The following ARHGEF28 variants were observed in gnomAD, a reference collection of about 807,000 sequenced individuals.
ARHGEF28 encodes Rho guanine nucleotide exchange factor 28, also known as 190 kDa guanine nucleotide exchange factor.
In ARHGEF28, 152 loss-of-function variants were observed where a neutral mutation model predicts 206.6. The observed-to-expected ratio is 0.74, with a 90% confidence interval of 0.64 to 0.84. The LOEUF is 0.84. Among genes scored for constraint, ARHGEF28 ranks in the 40% least tolerant of loss-of-function variants. The probability of loss-of-function intolerance (pLI) is 0.00; values close to 1 mark genes in which losing one functional copy is unlikely to be tolerated. For missense variants in ARHGEF28, 2,028 were observed against 2,073.2 expected (o/e 0.98, Z 0.42); for synonymous variants, 763 against 776.4 (o/e 0.98, Z 0.29).
chr5:73,868,739 C>T (rs1392372867), intron 20 of ARHGEF28, among the ~76,000 whole-genome samples: 4 of 152,068 alleles, frequency 2.6e-5, no homozygotes, highest in Non-Finnish European at 4.4e-5. Flanking sequence ...CTCGAGCTCC[C>T]AGGTTCAAGC....
At chr5:73,932,956 G>C (rs1474049950) in intron 35 of ARHGEF28, among the ~76,000 whole-genome samples, 12 of 151,148 alleles carry the variant, frequency 7.9e-5, no homozygotes, top group Admixed American at 2.6e-4. Flanking sequence ...CTACAGGCGC[G>C]CGCCACCATG....
chr5:73,846,163 ACC>A, intron 11 of ARHGEF28, 103 bp from the exon 12 acceptor site: 3 of 952,886 alleles, frequency 3.1e-6, no homozygotes, highest in South Asian at 1.6e-5. Context: ...TACCTATTGC[ACC>A]CCCCCCGCCC....
intron 2 of ARHGEF28, among the ~76,000 whole-genome samples, chr5:73,699,849 A>G (rs1748487445): frequency 6.6e-6 from 1 of 152,242 alleles, no homozygotes; most frequent in African/African-American, 2.4e-5. Flanking sequence ...ATAAAGTTCC[A>G]TCATTAAGGC....
rs192590685 is a variant in ARHGEF28 at position 73,817,348 on chromosome 5, A to T, written c.1025-14990A>T. On this transcript the variant is annotated intron_variant, in intron 9 of 35. Coordinates refer to ENST00000513042, the MANE Select transcript of ARHGEF28 (RefSeq NM_001177693.2). ...GCTTAGATAGCACCATATTTTCTCT[A>T]ATCATAATGAAAATAACTAATATTT... Among the ~76,000 whole-genome samples, 3 of 152,318 alleles carry T rather than the reference A, an allele frequency of 2.0e-5. No individual in the cohort carries two copies. The East Asian group carries it at 5.8e-4, about 29-fold the overall frequency.
At chr5:73,712,464 T>C (rs1749308268) in intron 2 of ARHGEF28, among the ~76,000 whole-genome samples, 1 of 152,158 alleles carries the variant, frequency 6.6e-6, no homozygotes. Flanking sequence ...CTTGGTAGAG[T>C]GCATGCTTTC....
At chr5:73,749,499 T>C (rs1363273796) in intron 2 of ARHGEF28, among the ~76,000 whole-genome samples, 1 of 152,180 alleles carries the variant, frequency 6.6e-6, no homozygotes, top group Non-Finnish European at 1.5e-5. Flanking sequence ...AGACCCTGTC[T>C]CTAAAAATAA....
intron 31 of ARHGEF28, chr5:73,902,334 G>GGT (rs979459833): frequency 3.9e-5 from 6 of 152,198 alleles, no homozygotes; most frequent in African/African-American, 1.2e-4. Context: ...TGAAGTTTGT[G>GGT]GTGTCCAACT....
intron 2 of ARHGEF28, among the ~76,000 whole-genome samples, chr5:73,740,200 G>A (rs1323848335): frequency 6.7e-6 from 1 of 149,788 alleles, no homozygotes; most frequent in Non-Finnish European, 1.5e-5. Flanking sequence ...AAAAAAGAAG[G>A]AGAAGCGAAA....
At chr5:73,910,923 TTA>T (rs1447928593) in intron 34 of ARHGEF28, among the ~76,000 whole-genome samples, 1 of 152,230 alleles carries the variant, frequency 6.6e-6, no homozygotes, top group Admixed American at 6.5e-5. Context: ...GTTGGCTAAA[TTA>T]TGTTTATTGC....
At chr5:73,652,042 T>G (rs1744869358) in intron 1 of ARHGEF28, among the ~76,000 whole-genome samples, 1 of 152,198 alleles carries the variant, frequency 6.6e-6, no homozygotes. Flanking sequence ...GTTAAAGGTT[T>G]GTGGAGATAA....
chr5:73,711,830 A>G (rs1314727449), intron 2 of ARHGEF28, among the ~76,000 whole-genome samples: 2 of 149,920 alleles, frequency 1.3e-5, no homozygotes, highest in South Asian at 4.3e-4. Context: ...ATTTTTTTCC[A>G]TATTGAATAG....
intron 9 of ARHGEF28, among the ~76,000 whole-genome samples, chr5:73,795,794 C>CAAGCTT (rs1754769731): frequency 6.6e-6 from 1 of 152,098 alleles, no homozygotes; most frequent in Non-Finnish European, 1.5e-5. Flanking sequence ...CTAGAATCTC[C>CAAGCTT]AAGCTTACCA....
intron 6 of ARHGEF28, among the ~76,000 whole-genome samples, chr5:73,777,000 A>T (rs1753580309): frequency 6.6e-6 from 1 of 152,216 alleles, no homozygotes; most frequent in Non-Finnish European, 1.5e-5. Context: ...TAAAGCAGTT[A>T]CATTTAGGGC....
At chr5:73,799,927 T>G (rs956753676) in intron 9 of ARHGEF28, among the ~76,000 whole-genome samples, 4 of 152,176 alleles carry the variant, frequency 2.6e-5, no homozygotes, top group African/African-American at 9.7e-5. Flanking sequence ...CTTCCAGGTC[T>G]GGCTGGTAGA....
At chr5:73,758,104 G>C (rs145479602) in intron 4 of ARHGEF28, among the ~76,000 whole-genome samples, 2 of 152,200 alleles carry the variant, frequency 1.3e-5, no homozygotes, top group African/African-American at 4.8e-5. Flanking sequence ...CACCAAGCTT[G>C]CCAACACCAG....
chr5:73,652,485 G>T (rs77075109), intron 1 of ARHGEF28, among the ~76,000 whole-genome samples: 1,587 of 152,240 alleles, frequency 0.01, 29 homozygotes, highest in African/African-American at 0.036. Context: ...ATGCACATTT[G>T]GGGGAGCAGA....
At chr5:73,754,329 C>A (rs1025840704) in intron 4 of ARHGEF28, among the ~76,000 whole-genome samples, 1 of 152,156 alleles carries the variant, frequency 6.6e-6, no homozygotes. Flanking sequence ...TACTTAAAGA[C>A]GTCTCTTGTT....
intron 1 of ARHGEF28, among the ~76,000 whole-genome samples, chr5:73,655,591 C>T (rs2112175908): frequency 6.6e-6 from 1 of 152,240 alleles, no homozygotes; most frequent in Middle Eastern, 3.4e-3. Flanking sequence ...GTATTTTATA[C>T]ACACTAATTC....
In ARHGEF28 at chr5:73,864,594, G is replaced by A. The variant is rs1979550; in HGVS notation, c.2048-223G>A. 0.26 allele frequency among the ~76,000 whole-genome samples: 39,979 copies of A among 152,124 alleles called. 5,970 individuals are homozygous for A. Among genetic ancestry groups the A allele is most frequent in the Admixed American group, 0.37 (5,698 of 15,292 alleles). ...TAATTGATAAGATCCTGTGTATAAG[G>A]GGAGAAATATCTCCAAAGAGATTAA... On this transcript the variant is annotated intron_variant, in intron 16 of 35. Transcript: ENST00000513042.
Sources: gnomAD v4.1 joint callset for allele counts (sites outside exome capture counted in the v4.1 genomes callset) on GRCh38, gnomAD v4.1.1 for gene constraint, MANE v1.5 for transcripts, NCBI Gene and HGNC (gene_info 2026-07-23, HGNC 2026-07-21) for gene names.